The following RFX8 variants were observed in gnomAD, a reference collection of about 807,000 sequenced individuals.
RFX8 encodes the protein DNA-binding protein RFX8.
Under a neutral mutation model 54.6 loss-of-function variants are expected in RFX8, and 46 were observed. That is an observed-to-expected ratio of 0.84 (90% CI 0.67 to 1.08). The LOEUF is 1.08. Ranked by LOEUF, RFX8 falls within the 50% of genes least tolerant of loss-of-function variation. The probability of loss-of-function intolerance (pLI) is 0.00; values close to 1 mark genes in which losing one functional copy is unlikely to be tolerated. For synonymous variants in RFX8, 192 were observed against 209.5 expected (o/e 0.92, Z 0.72); for missense variants, 536 against 562.3 (o/e 0.95, Z 0.47).
intron 1 of RFX8, chr2:101,474,161 C>T: frequency 1.6e-6 from 1 of 616,164 alleles, no homozygotes; most frequent in East Asian, 3.4e-5. Context: ...TCCCCGGCCC[C>T]ACCTCCTCCA....
chr2:101,441,741 A>G (rs1045349057), intron 2 of RFX8, among the ~76,000 whole-genome samples: 22 of 152,298 alleles, frequency 1.4e-4, no homozygotes, highest in Admixed American at 7.2e-4. Flanking sequence ...TAATGTTTGC[A>G]TGTTACATCT....
chr2:101,415,012 C>G, intron 6 of RFX8, 100 bp from the exon 7 acceptor site: 1 of 877,518 alleles, frequency 1.1e-6, no homozygotes, highest in Non-Finnish European at 1.8e-6. Context: ...GAAGGCACAG[C>G]TGGCTAAACT....
chr2:101,459,025 A>G (rs1398179221), intron 2 of RFX8, among the ~76,000 whole-genome samples: 1 of 152,094 alleles, frequency 6.6e-6, no homozygotes, highest in African/African-American at 2.4e-5. Context: ...TTGTGTATGC[A>G]TCACAAAGTT....
chr2:101,422,243 G>A, intron 3 of RFX8, 119 bp downstream of exon 3: 1 of 646,678 alleles, frequency 1.5e-6, no homozygotes, highest in Non-Finnish European at 2.8e-6. Flanking sequence ...CACGGGTCCA[G>A]CAAAGGCAAA....
At chr2:101,467,069 G>A (rs539779111) in intron 1 of RFX8, among the ~76,000 whole-genome samples, 169 bp from the exon 2 acceptor site, 6 of 152,308 alleles carry the variant, frequency 3.9e-5, no homozygotes, top group East Asian at 1.9e-4. Flanking sequence ...CTATGTACCC[G>A]TTTGTCCTTA....
At position 101,426,964 on chromosome 2, in the gene RFX8, T is replaced by C. The variant is rs76476205; in HGVS notation, c.73-4492A>G. Among the ~76,000 whole-genome samples the C allele has an allele frequency of 2.0e-4, 30 of 152,314 alleles. No homozygotes were observed. The East Asian group carries it at 5.8e-3, about 29-fold the overall frequency. ...CTGGGTCAAATCCAAGTTCTCTGCC[T>C]AGCATCGACAAGCTCTGTGCCCTCT... is the stretch of plus-strand genomic sequence containing the variant. On this transcript the variant is annotated intron_variant, in intron 2 of 11. Transcript: ENST00000428343.
chr2:101,457,267 C>T (rs1689025925), intron 2 of RFX8, among the ~76,000 whole-genome samples: 1 of 152,098 alleles, frequency 6.6e-6, no homozygotes, highest in African/African-American at 2.4e-5. Context: ...TTTGTTTACT[C>T]TTGCTTCTCT....
intron 2 of RFX8, among the ~76,000 whole-genome samples, chr2:101,446,498 G>C (rs1314718209): frequency 8.9e-5 from 1 of 11,294 alleles, no homozygotes. Flanking sequence ...TTAAGTATAT[G>C]CTGAGCATAG....
intron 2 of RFX8, among the ~76,000 whole-genome samples, chr2:101,465,370 C>T (rs113006426): frequency 0.056 from 8,451 of 152,092 alleles, 429 homozygotes; most frequent in Non-Finnish European, 0.077. Context: ...ATTAGCTGGG[C>T]GTGGTGGTGC....
chr2:101,460,130 T>C (rs1287043137), intron 2 of RFX8, among the ~76,000 whole-genome samples: 1 of 152,136 alleles, frequency 6.6e-6, no homozygotes, highest in Non-Finnish European at 1.5e-5. Flanking sequence ...AGTGAACTGT[T>C]TTTCCAGGTA....
At position 101,469,094 on chromosome 2, in the gene RFX8, G is replaced by GTA. The variant is rs1370511399; in HGVS notation, c.-52-2196_-52-2195dup. On this transcript the variant is annotated intron_variant, in intron 1 of 11. Coordinates refer to ENST00000428343, the MANE Select transcript of RFX8 (RefSeq NM_001145664.2). ...TATATATATAAGTGTATATATATAA[G>GTA]TATATATATATAAGTGTATATATAT... Among the ~76,000 whole-genome samples, 33 of 10,250 alleles carry GTA rather than the reference G, an allele frequency of 3.2e-3. 1 individual carries two copies. The highest frequency in any genetic ancestry group is 0.056 in the Middle Eastern group (1 of 18). 6.7% of individuals were successfully genotyped at this position (10,250 alleles called of 152,430 possible).
intron 2 of RFX8, among the ~76,000 whole-genome samples, chr2:101,466,374 G>A (rs530699807): frequency 1.4e-4 from 21 of 151,420 alleles, no homozygotes; most frequent in South Asian, 4.2e-4. Flanking sequence ...TTCTCTCAGC[G>A]CAACCAAATT....
chr2:101,421,146 T>G lies in RFX8; in HGVS notation c.237+578A>C, dbSNP rs892874079. 2.2e-5 allele frequency: 13 copies of G among 592,026 alleles called. No individual in the cohort carries two copies. The South Asian group carries it at 5.2e-4, about 24-fold the overall frequency. The allele number at this position is 592,026 out of a possible 1,614,324, so 36.7% of individuals were successfully genotyped here. A position where few individuals can be genotyped will look rare whatever the true frequency, so the allele number is the denominator to read the frequency against. ...CTGAATGAGCGTTATCACCCAAAGT[T>G]GAAGTGCTTAGAATATACTAAAGCA... On this transcript the variant is annotated intron_variant, in intron 4 of 11. Coordinates refer to ENST00000428343, the MANE Select transcript of RFX8 (RefSeq NM_001145664.2).
At chr2:101,410,740 A>G (rs1355371347) in intron 8 of RFX8, 27 bp from the exon 9 acceptor site, 4 of 1,201,918 alleles carry the variant, frequency 3.3e-6, no homozygotes, top group Non-Finnish European at 4.8e-6. Context: ...TAAACAAACA[A>G]AAGATTGCAT....
intron 8 of RFX8, among the ~76,000 whole-genome samples, chr2:101,411,522 C>T (rs1049827997): frequency 1.3e-5 from 2 of 151,926 alleles, no homozygotes; most frequent in Non-Finnish European, 2.9e-5. Flanking sequence ...CTCATGCCCT[C>T]CTGGGACTCC....
intron 2 of RFX8, among the ~76,000 whole-genome samples, chr2:101,466,168 C>A (rs4850979): frequency 6.6e-6 from 1 of 151,760 alleles, no homozygotes; most frequent in African/African-American, 2.4e-5. Context: ...CAGCCATGCA[C>A]CCCCTGACAC....
At chr2:101,449,474 AG>A (rs1688561726) in intron 2 of RFX8, among the ~76,000 whole-genome samples, 1 of 152,134 alleles carries the variant, frequency 6.6e-6, no homozygotes, top group South Asian at 2.1e-4. Flanking sequence ...TAAAGAGAAA[AG>A]TTAACAAGGC....
At chr2:101,447,045 G>A (rs1444596047) in intron 2 of RFX8, among the ~76,000 whole-genome samples, 1 of 152,210 alleles carries the variant, frequency 6.6e-6, no homozygotes, top group African/African-American at 2.4e-5. Context: ...TTGGCGCAGA[G>A]CACAGTGACT....
At chr2:101,409,804 T>C (rs1435357334) in intron 9 of RFX8, among the ~76,000 whole-genome samples, 6 of 152,114 alleles carry the variant, frequency 3.9e-5, no homozygotes, top group Non-Finnish European at 8.8e-5. Context: ...CTGGCCTCCC[T>C]GTAGGTTTTA....
Sources: gnomAD v4.1 joint callset for allele counts (sites outside exome capture counted in the v4.1 genomes callset) on GRCh38, gnomAD v4.1.1 for gene constraint, MANE v1.5 for transcripts, NCBI Gene and HGNC (gene_info 2026-07-23, HGNC 2026-07-21) for gene names.